CARM1: variants seen among roughly 807,000 people sequenced by gnomAD.
The protein encoded by CARM1 is histone-arginine methyltransferase CARM1.
A neutral mutation model predicts 72.7 loss-of-function variants in CARM1; 14 were observed. The ratio of observed to expected loss-of-function variants is 0.19; its 90% CI spans 0.13 to 0.30. The LOEUF is 0.30. Ranked by LOEUF, CARM1 falls within the 10% of genes least tolerant of loss-of-function variation. CARM1 has a pLI of 1.00. For missense variants in CARM1, 432 were observed against 833.7 expected (o/e 0.52, Z 5.93); for synonymous variants, 333 against 345.5 (o/e 0.96, Z 0.40).
rs763989952 is a variant in CARM1 at position 10,896,827 on chromosome 19, T to C, written c.221-8124T>C. Among the ~76,000 whole-genome samples the C allele has an allele frequency of 6.6e-6, 1 of 152,204 alleles. No homozygotes were observed. The highest frequency in any genetic ancestry group is 2.1e-4 in the South Asian group (1 of 4,834). ...GCCACTCGGCTGTCCTCACCGCCTC[T>C]AGGATGGGGAGTGTGTCTCCATTGC... On this transcript the variant is annotated intron_variant, in intron 1 of 15. Coordinates refer to ENST00000327064, the MANE Select transcript of CARM1 (RefSeq NM_199141.2). The surrounding 1 kb of genome is among the most constrained non-coding windows in gnomAD (Gnocchi z 5.2).
chr19:10,892,077 T>TA lies in CARM1; in HGVS notation c.221-12873dup, dbSNP rs60633958. Among the ~76,000 whole-genome samples the TA allele has an allele frequency of 2.2e-3, 329 of 152,366 alleles. 2 individuals carry two copies. Among genetic ancestry groups the TA allele is most frequent in the African/African-American group, 7.6e-3 (314 of 41,580 alleles). ...GTAGGTTTTACACCACTCTGTGCCT[T>TA]ACGTTGTGGCTCGATCATTTAACAT... On this transcript the variant is annotated intron_variant, in intron 1 of 15. Coordinates refer to ENST00000327064, the MANE Select transcript of CARM1 (RefSeq NM_199141.2).
chr19:10,882,156 T>C (rs1189222460), intron 1 of CARM1, among the ~76,000 whole-genome samples: 1 of 152,004 alleles, frequency 6.6e-6, no homozygotes, highest in African/African-American at 2.4e-5. Context: ...CCCTAGAGGG[T>C]TGTTGTGAGT....
chr19:10,877,587 A>G (rs915195040), intron 1 of CARM1, among the ~76,000 whole-genome samples: 1 of 148,710 alleles, frequency 6.7e-6, no homozygotes, highest in Non-Finnish European at 1.5e-5. Context: ...CACCCTGGCT[A>G]ATTTTTGTAT....
intron 1 of CARM1, among the ~76,000 whole-genome samples, chr19:10,886,252 C>T (rs1233616669): frequency 2.6e-5 from 4 of 151,846 alleles, no homozygotes; most frequent in Admixed American, 2.6e-4. Flanking sequence ...GACGGGTTTT[C>T]TCCATGTTGG....
intron 1 of CARM1, among the ~76,000 whole-genome samples, chr19:10,891,943 G>A (rs181604838): frequency 1.3e-5 from 2 of 152,284 alleles, no homozygotes; most frequent in East Asian, 3.9e-4. Flanking sequence ...GCTTCCCGGA[G>A]GCAGCACTGA....
At position 10,916,581 on chromosome 19, in the gene CARM1, C is replaced by T; in HGVS notation, c.938+84C>T. ...CCAGCTCCCCAGAGAGCCTGCACTC[C>T]TCTTTTTCTGAAAGACTTGGGCTAG... On this transcript the variant is annotated intron_variant, in intron 7 of 15. Coordinates refer to ENST00000327064, the MANE Select transcript of CARM1 (RefSeq NM_199141.2). This position sits in a 1 kb window ranked among gnomAD's most constrained non-coding sequence, Gnocchi z 4.4. 5 of 1,410,316 alleles carry T rather than the reference C, an allele frequency of 3.5e-6. No individual in the cohort carries two copies. In the East Asian group the frequency reaches 9.4e-5, roughly 26 times the overall value. The allele number at this position is 1,410,316 out of a possible 1,614,324, so 87.4% of individuals were successfully genotyped here.
chr19:10,905,224 T>C, intron 2 of CARM1, 148 bp downstream of exon 2: 1 of 974,562 alleles, frequency 1.0e-6, no homozygotes, highest in Non-Finnish European at 1.5e-6. Flanking sequence ...CATGCAGGTA[T>C]GCCCAGAATA....
chr19:10,882,522 A>C (rs2073909162), intron 1 of CARM1, among the ~76,000 whole-genome samples: 2 of 141,552 alleles, frequency 1.4e-5, no homozygotes, highest in Non-Finnish European at 3.0e-5. Flanking sequence ...CCCAATCTCC[A>C]GTGCACTCTG....
At chr19:10,904,119 C>A (rs1001040061) in intron 1 of CARM1, among the ~76,000 whole-genome samples, 4 of 152,254 alleles carry the variant, frequency 2.6e-5, no homozygotes, top group Non-Finnish European at 5.9e-5. Context: ...TAGCTCCCAC[C>A]GTTTTGGTCT....
rs184454136 is a variant in CARM1, at chr19:10,881,757, T to C, written c.220+9835T>C. On this transcript the variant is annotated intron_variant, in intron 1 of 15. Coordinates refer to ENST00000327064, the MANE Select transcript of CARM1 (RefSeq NM_199141.2). The stretch of plus-strand genomic sequence containing the variant: ...TTCAGCCAGAAACAGGCAGCGAAAG[T>C]GGACTCGCCGTCTCCATAGTGCGGT... Among the ~76,000 whole-genome samples, 30 of 152,090 alleles carry C rather than the reference T, an allele frequency of 2.0e-4. No individual in the cohort carries two copies. The East Asian group carries it at 3.7e-3, about 19-fold the overall frequency.
intron 1 of CARM1, among the ~76,000 whole-genome samples, chr19:10,877,833 T>G (rs1425809935): frequency 1.3e-5 from 2 of 152,176 alleles, no homozygotes; most frequent in Admixed American, 6.6e-5. Flanking sequence ...GTTCAAGCGA[T>G]TCTCCTGTCT....
At chr19:10,892,131 C>A (rs1364439707) in intron 1 of CARM1, among the ~76,000 whole-genome samples, 1 of 152,220 alleles carries the variant, frequency 6.6e-6, no homozygotes, top group Non-Finnish European at 1.5e-5. Flanking sequence ...AAATTGATCT[C>A]TTTTAATTTG....
In CARM1 at chr19:10,916,823, G is replaced by A. The variant is rs2074200810; in HGVS notation, c.1020+46G>A. The A allele has an allele frequency of 1.5e-6, 2 of 1,304,882 alleles. No homozygotes were observed. The highest frequency in any genetic ancestry group is 2.6e-5 in the South Asian group (2 of 77,090). 80.8% of individuals were successfully genotyped at this position (1,304,882 alleles called of 1,614,324 possible). On this transcript the variant is annotated intron_variant, in intron 8 of 15. Coordinates refer to ENST00000327064, the MANE Select transcript of CARM1 (RefSeq NM_199141.2). The surrounding 1 kb of genome is among the most constrained non-coding windows in gnomAD (Gnocchi z 4.4). ...ACTGCTGCAGTGATCACTTGCCATT[G>A]CTGTGCAGCTGTGCAGCCCTCAGGA... is the stretch of plus-strand genomic sequence containing the variant.
Position 10,916,318 on chromosome 19 carries a change from G to T in CARM1, c.848-89G>T. The T allele has an allele frequency of 1.2e-6, 1 of 844,898 alleles. No homozygotes were observed. Among genetic ancestry groups the T allele is most frequent in the South Asian group, 1.4e-5 (1 of 69,888 alleles). 52.3% of individuals were successfully genotyped at this position (844,898 alleles called of 1,614,324 possible). On this transcript the variant is annotated intron_variant, in intron 6 of 15. Coordinates refer to ENST00000327064, the MANE Select transcript of CARM1 (RefSeq NM_199141.2). This position sits in a 1 kb window ranked among gnomAD's most constrained non-coding sequence, Gnocchi z 4.4. ...GGATGACAGGCTGGGAGCACCCAGG[G>T]TTGGGGGTCTTGGGGTCCTTTGGAA...
At chr19:10,876,428 C>T (rs938709251) in intron 1 of CARM1, among the ~76,000 whole-genome samples, 1 of 152,204 alleles carries the variant, frequency 6.6e-6, no homozygotes, top group Non-Finnish European at 1.5e-5. Context: ...AGGGCTGCCC[C>T]GCTGTCTTGG....
rs1175107304 is a variant in CARM1 at position 10,920,163 on chromosome 19, G to T, written c.1196+197G>T. Among the ~76,000 whole-genome samples the T allele has an allele frequency of 6.6e-6, 1 of 151,870 alleles. No individual in the cohort carries two copies. The highest frequency in any genetic ancestry group is 2.4e-5 in the African/African-American group (1 of 41,324). ...GTGTGTATGTGTGTGTGTGTCCTGTGTTCCCAGTGTCTGTCCCTCATGGGT... is the reference window on the plus strand; with the variant it reads ...GTGTGTATGTGTGTGTGTGTCCTGTTTTCCCAGTGTCTGTCCCTCATGGGT... On this transcript the variant is annotated intron_variant, in intron 10 of 15. Coordinates refer to ENST00000327064, the MANE Select transcript of CARM1 (RefSeq NM_199141.2). The surrounding 1 kb of genome is among the most constrained non-coding windows in gnomAD (Gnocchi z 5.3).
At chr19:10,913,596 C>T (rs1175297250) in intron 5 of CARM1, among the ~76,000 whole-genome samples, 1 of 151,756 alleles carries the variant, frequency 6.6e-6, no homozygotes, top group Non-Finnish European at 1.5e-5. Context: ...CAGGGTTTCT[C>T]CATGTTGGTC....
At position 10,916,529 on chromosome 19, in the gene CARM1, C is replaced by T; in HGVS notation, c.938+32C>T. The T allele has an allele frequency of 6.5e-7, 1 of 1,536,468 alleles. No homozygotes were observed. The highest frequency in any genetic ancestry group is 2.3e-5 in the East Asian group (1 of 44,340). On this transcript the variant is annotated intron_variant, in intron 7 of 15. Coordinates refer to ENST00000327064, the MANE Select transcript of CARM1 (RefSeq NM_199141.2). The surrounding 1 kb of genome is among the most constrained non-coding windows in gnomAD (Gnocchi z 4.4). ...GTGCCCTGGGTGTCCCGCCTGGGCC[C>T]CACAGCCTGCCTTCTCAGGGACAGC...
intron 1 of CARM1, among the ~76,000 whole-genome samples, chr19:10,873,885 C>T (rs1006757985): frequency 5.9e-5 from 9 of 151,834 alleles, no homozygotes; most frequent in African/African-American, 1.7e-4. Context: ...GTGATCCACC[C>T]GCCTTGGCCT....
Sources: gnomAD v4.1 joint callset for allele counts (sites outside exome capture counted in the v4.1 genomes callset) on GRCh38, gnomAD v4.1.1 for gene constraint, Gnocchi (gnomAD v3.1) non-coding constraint, MANE v1.5 for transcripts, NCBI Gene and HGNC (gene_info 2026-07-23, HGNC 2026-07-21) for gene names.